ELAVL4: variants seen among roughly 807,000 people sequenced by gnomAD.
The protein encoded by ELAVL4 is ELAV like RNA binding protein 4.
A neutral mutation model predicts 35.6 loss-of-function variants in ELAVL4; 1 was observed. The ratio of observed to expected loss-of-function variants is 0.03; its 90% confidence interval spans 0.01 to 0.13. The LOEUF (loss-of-function observed/expected upper bound fraction) is 0.13, where lower values mean the gene tolerates loss of function less well. Among genes scored for constraint, ELAVL4 ranks in the 10% least tolerant of loss-of-function variants. The probability of loss-of-function intolerance (pLI) is 1.00; values close to 1 mark genes in which losing one functional copy is unlikely to be tolerated. For synonymous variants in ELAVL4, 156 were observed against 171.0 expected (o/e 0.91, Z 0.69); for missense variants, 267 against 464.9 (o/e 0.57, Z 3.91).
intron 1 of ELAVL4, among the ~76,000 whole-genome samples, chr1:50,065,959 C>T (rs924108023): frequency 2.0e-5 from 3 of 151,904 alleles, no homozygotes; most frequent in South Asian, 2.1e-4. Flanking sequence ...CAAGAGAGAG[C>T]GAAAGTAAGG....
chr1:50,160,287 G>A (rs988093065), intron 2 of ELAVL4, among the ~76,000 whole-genome samples: 2 of 152,124 alleles, frequency 1.3e-5, no homozygotes, highest in Admixed American at 6.5e-5. Flanking sequence ...AGAAGATGAC[G>A]TTCCCCCGCA....
chr1:50,146,404 CTG>C (rs1349926230), intron 2 of ELAVL4, among the ~76,000 whole-genome samples: 3 of 152,122 alleles, frequency 2.0e-5, no homozygotes, highest in Non-Finnish European at 2.9e-5. Flanking sequence ...ATTTGAAAAA[CTG>C]GAAGATAATG....
upstream of ELAVL4, among the ~76,000 whole-genome samples, chr1:50,099,463 G>A (rs1665863611): frequency 6.6e-6 from 1 of 150,532 alleles, no homozygotes; most frequent in African/African-American, 2.5e-5. Context: ...GGGAGGCTGA[G>A]GCAAGAGAAT....
chr1:50,186,649 A>G (rs923526769), intron 3 of ELAVL4, among the ~76,000 whole-genome samples: 3 of 152,194 alleles, frequency 2.0e-5, no homozygotes, highest in African/African-American at 7.2e-5. Context: ...AATTTTCTGG[A>G]CATATTCAGA....
upstream of ELAVL4, among the ~76,000 whole-genome samples, chr1:50,101,854 A>C (rs913251236): frequency 4.6e-5 from 7 of 152,248 alleles, no homozygotes; most frequent in Non-Finnish European, 8.8e-5. Context: ...CATTTCTAGA[A>C]GTATGCTTAG....
chr1:50,118,648 G>T (rs950076952), intron 1 of ELAVL4, among the ~76,000 whole-genome samples: 1 of 151,904 alleles, frequency 6.6e-6, no homozygotes, highest in Non-Finnish European at 1.5e-5. Context: ...GTCTGAAGGG[G>T]GAAATAAATA....
intron 2 of ELAVL4, among the ~76,000 whole-genome samples, chr1:50,154,142 T>C (rs1357267151): frequency 6.6e-6 from 1 of 152,192 alleles, no homozygotes; most frequent in Non-Finnish European, 1.5e-5. Context: ...GTCAGTGAAA[T>C]ATCTGAAGCT....
At chr1:50,191,163 T>C (rs141726349) in intron 3 of ELAVL4, among the ~76,000 whole-genome samples, 1 of 152,372 alleles carries the variant, frequency 6.6e-6, no homozygotes, top group African/African-American at 2.4e-5. Flanking sequence ...TCTTTGGACT[T>C]GGAGTTCCTT....
At chr1:50,115,078 C>T (rs916887778) in intron 1 of ELAVL4, 1 of 152,048 alleles carries the variant, frequency 6.6e-6, no homozygotes. Flanking sequence ...CTCTCTGTCT[C>T]TCACTCTAGC....
intron 3 of ELAVL4, among the ~76,000 whole-genome samples, chr1:50,183,337 A>G (rs1681342658): frequency 6.6e-6 from 1 of 152,090 alleles, no homozygotes; most frequent in Non-Finnish European, 1.5e-5. Context: ...GGGGTAAAAG[A>G]GCTGCTCCTG....
intron 1 of ELAVL4, among the ~76,000 whole-genome samples, chr1:50,073,478 G>A (rs1664623561): frequency 6.7e-6 from 1 of 150,162 alleles, no homozygotes; most frequent in Non-Finnish European, 1.5e-5. Context: ...CCTTTTTTTT[G>A]GAATAAATAT....
chr1:50,073,660 A>T (rs1329271448), intron 1 of ELAVL4, among the ~76,000 whole-genome samples: 1 of 152,192 alleles, frequency 6.6e-6, no homozygotes, highest in African/African-American at 2.4e-5. Context: ...ACAAACACAC[A>T]CGTACACACA....
intron 1 of ELAVL4, among the ~76,000 whole-genome samples, chr1:50,053,829 G>GA (rs1304646866): frequency 3.3e-5 from 5 of 152,048 alleles, no homozygotes; most frequent in South Asian, 2.1e-4. Flanking sequence ...TGCTATGTGG[G>GA]AAAAAAAATA....
intron 3 of ELAVL4, among the ~76,000 whole-genome samples, chr1:50,178,761 A>G (rs1324356006): frequency 3.3e-5 from 5 of 152,200 alleles, no homozygotes; most frequent in Non-Finnish European, 7.3e-5. Context: ...CTCTTTGATG[A>G]GGCCACACTA....
At chr1:50,054,846 G>A (rs182208689) in intron 1 of ELAVL4, among the ~76,000 whole-genome samples, 74 of 152,274 alleles carry the variant, frequency 4.9e-4, no homozygotes, top group African/African-American at 1.6e-3. Flanking sequence ...GCTTCTGGAA[G>A]GATTCAGCCA....
At chr1:50,103,900 G>C, upstream of ELAVL4, 1 of 1,610,944 alleles carries the variant, frequency 6.2e-7, no homozygotes. Flanking sequence ...GGTGTGAAGA[G>C]AGAGGCTCAG....
intron 1 of ELAVL4, among the ~76,000 whole-genome samples, chr1:50,062,283 G>A (rs1251417064): frequency 6.6e-6 from 1 of 152,054 alleles, no homozygotes; most frequent in Admixed American, 6.6e-5. Flanking sequence ...ATATGTGCAG[G>A]GTGCCCTGAG....
At chr1:50,185,780 G>A (rs1260717339) in intron 3 of ELAVL4, among the ~76,000 whole-genome samples, 1 of 152,200 alleles carries the variant, frequency 6.6e-6, no homozygotes, top group Non-Finnish European at 1.5e-5. Context: ...AGTAAAGAAT[G>A]AGTCTGAATT....
At chr1:50,188,307 T>G (rs745524337) in intron 3 of ELAVL4, among the ~76,000 whole-genome samples, 1 of 152,182 alleles carries the variant, frequency 6.6e-6, no homozygotes, top group Non-Finnish European at 1.5e-5. Flanking sequence ...GTCACCTTTA[T>G]GTGACACTTA....
Sources: gnomAD v4.1 joint callset for allele counts (sites outside exome capture counted in the v4.1 genomes callset) on GRCh38, gnomAD v4.1.1 for gene constraint, MANE v1.5 for transcripts, NCBI Gene and HGNC (gene_info 2026-07-23, HGNC 2026-07-21) for gene names.